CD248: variants seen among roughly 807,000 people sequenced by gnomAD.
CD248 encodes endosialin.
Under a neutral mutation model 8.0 loss-of-function variants are expected in CD248, and 7 were observed. The observed-to-expected ratio is 0.88, with a 90% CI of 0.50 to 1.64. CD248 has a LOEUF of 1.64. CD248 is among the 40% of genes most tolerant of loss of function. The pLI, the probability that CD248 is intolerant of heterozygous loss-of-function variation, is 0.00. For missense variants in CD248, 912 were observed against 1,027.2 expected, an observed-to-expected ratio of 0.89 and a Z score of 1.53; for synonymous variants, 418 against 437.1, an observed-to-expected ratio of 0.96 and a Z score of 0.54.
In CD248 at chr11:66,316,914, G is replaced by A. The variant is rs761497628; in HGVS notation, c.114C>T (p.Phe38=). 8 of 1,559,962 alleles carry A rather than the reference G, an allele frequency of 5.1e-6. No individual in the cohort carries two copies. The highest frequency in any genetic ancestry group is 1.2e-5 in the South Asian group (1 of 86,516). Reference sequence around the variant, plus strand: ...CCTCCAGGAAGGTGCGGCGCCGTGGGAAGAGAGCGTAGCAGCTGCTGGGGC... The same window carrying A: ...CCTCCAGGAAGGTGCGGCGCCGTGGAAAGAGAGCGTAGCAGCTGCTGGGGC... The part of the protein sequence containing the change: ...ACGPSSCYAL[F]PRRRTFLEAW... The change falls in exon 1 of 1, where the codon TTC becomes TTT. Residue 38 remains phenylalanine, a synonymous_variant. Transcript: ENST00000311330.
chr11:66,316,267 A>G lies in CD248; in HGVS notation c.761T>C (p.Val254Ala), dbSNP rs774286084. The G allele has an allele frequency of 6.2e-7, 1 of 1,613,536 alleles. No individual in the cohort carries two copies. Among genetic ancestry groups the G allele is most frequent in the South Asian group, 1.1e-5 (1 of 91,080 alleles). The change falls in exon 1 of 1, where the codon GTG (valine) becomes GCG (alanine). Residue 254 changes from valine to alanine, a missense_variant. By Grantham distance (64) the Val-to-Ala change is moderately conservative. This residue lies in a region of CD248 where 403 missense variants were observed against 446.2 expected (regional missense o/e 0.90). Transcript: ENST00000311330. The part of the protein sequence containing the change: ...HECVEEVDGH[V>A]SCRCTEGFRL... ...GAAGCCCTCAGTGCAGCGGCAGGAC[A>G]CGTGACCATCCACCTCCTCCACACA... is the stretch of plus-strand genomic sequence containing the variant.
chr11:66,316,160 G>C lies in CD248; in HGVS notation c.868C>G (p.Gln290Glu). ...CEQQCEPGGP[Q>E]GYSCHCRLGF... ...AGGCGACAGTGGCAGCTGTAGCCTT[G>C]TGGCCCACCGGGCTCACACTGCTGC... Residue 290 changes from glutamine to glutamate, a missense_variant, in exon 1 of 1, where the codon CAA (glutamine) becomes GAA (glutamate). By Grantham distance (29) the Gln-to-Glu change is conservative. Coordinates refer to ENST00000311330, the MANE Select transcript of CD248 (RefSeq NM_020404.3). The C allele has an allele frequency of 6.2e-7, 1 of 1,612,350 alleles. No individual in the cohort carries two copies. Among genetic ancestry groups the C allele is most frequent in the Non-Finnish European group, 8.5e-7 (1 of 1,179,990 alleles).
At position 66,315,015 on chromosome 11, in the gene CD248, C is replaced by A; in HGVS notation, c.2013G>T (p.Leu671=). 6.2e-7 allele frequency: 1 copy of A among 1,606,242 alleles called. No individual in the cohort carries two copies. Among genetic ancestry groups the A allele is most frequent in the Non-Finnish European group, 8.5e-7 (1 of 1,175,454 alleles). ...TGTGCTCGGCAAGACCAGCCTCCCC[C>A]AGGGCTGTTGGGGCTGCTGTGGGAG... is the stretch of plus-strand genomic sequence containing the variant. ...SPAPTAAPTA[L]GEAGLAEHSQ... is the part of the protein sequence containing the mutation. Residue 671 remains leucine (L), a synonymous_variant, in exon 1 of 1, where the codon CTG becomes CTT. Transcript: ENST00000311330. This position sits in a 1 kb window ranked among gnomAD's most constrained non-coding sequence, Gnocchi z 4.3.
rs144493283 is a variant in CD248, at chr11:66,314,853, G to A, written c.2175C>T (p.Cys725=). The A allele has an allele frequency of 6.3e-7, 1 of 1,599,450 alleles. No individual in the cohort carries two copies. ...PHAPNKRITD[C]YRWVIHAGSK... ...TCCCAGCATGGATGACCCAGCGATA[G>A]CAGTCAGTGATGCGCTTGTTGGGTG... is the stretch of plus-strand genomic sequence containing the variant. The change falls in exon 1 of 1, where the codon TGC becomes TGT. Residue 725 remains cysteine, a synonymous_variant. Coordinates refer to ENST00000311330, the MANE Select transcript of CD248 (RefSeq NM_020404.3). This position sits in a 1 kb window ranked among gnomAD's most constrained non-coding sequence, Gnocchi z 4.0.
In CD248 at chr11:66,316,710, G is replaced by A. The variant is rs766137384; in HGVS notation, c.318C>T (p.Thr106=). 4 of 1,606,474 alleles carry A rather than the reference G, an allele frequency of 2.5e-6. No individual in the cohort carries two copies. Among genetic ancestry groups the A allele is most frequent in the South Asian group, 1.1e-5 (1 of 91,012 alleles). The change falls in exon 1 of 1, where the codon ACC becomes ACT. Residue 106 remains threonine (T), a synonymous_variant. Transcript: ENST00000311330. ...TGAAAGCCGTGTCCTGGTCCCCTGT[G>A]GTCCACGTGAAGCCGCGCAGTGGGC... ...LQRPLRGFTW[T]TGDQDTAFTN...
At position 66,316,219 on chromosome 11, in the gene CD248, C is replaced by G. The variant is rs767021528; in HGVS notation, c.809G>C (p.Ser270Thr). 1 of 1,613,210 alleles carries G rather than the reference C, an allele frequency of 6.2e-7. No homozygotes were observed. The highest frequency in any genetic ancestry group is 8.5e-7 in the Non-Finnish European group (1 of 1,179,944). Reference sequence around the variant, plus strand: ...AGCCTGGGCACAGGGGTCCTCGCAACTGCGCCCGTCTGCTGCCAGCCGGAA... The same window carrying G: ...AGCCTGGGCACAGGGGTCCTCGCAAGTGCGCCCGTCTGCTGCCAGCCGGAA... ...EGFRLAADGRSCEDPCAQAPC... is the reference protein window; with the variant it reads ...EGFRLAADGRTCEDPCAQAPC... Residue 270 changes from serine (S) to threonine (T), a missense_variant, in exon 1 of 1, where the codon AGT (serine) becomes ACT (threonine). Ser to Thr is a moderately conservative substitution (Grantham distance 58, BLOSUM62 1). Around this residue, in one of 3 missense-constraint regions of CD248, gnomAD observed 403 missense variants for 446.2 expected, o/e 0.90. Coordinates refer to ENST00000311330, the MANE Select transcript of CD248 (RefSeq NM_020404.3).
rs1218391302 is a variant in CD248 at position 66,314,761 on chromosome 11, C to G, written c.2267G>C (p.Ser756Thr). The G allele has an allele frequency of 1.9e-6, 3 of 1,549,634 alleles. No homozygotes were observed. Among genetic ancestry groups the G allele is most frequent in the Non-Finnish European group, 2.6e-6 (3 of 1,146,908 alleles). Reference protein sequence around the residue: ...SLTGVQTCRTSV With the variant: ...SLTGVQTCRTTV Reference sequence around the variant, plus strand: ...AGGGGGGTCTGCACCCCATCACACGCTGGTTCTGCAGGTCTGCACCCCTGT... The same window carrying G: ...AGGGGGGTCTGCACCCCATCACACGGTGGTTCTGCAGGTCTGCACCCCTGT... Residue 756 changes from serine (S) to threonine (T), a missense_variant, in exon 1 of 1, where the codon AGC (serine) becomes ACC (threonine). Physicochemically the swap from Ser to Thr is moderately conservative, Grantham distance 58. Around this residue, in one of 3 missense-constraint regions of CD248, gnomAD observed 507 missense variants for 562.2 expected, o/e 0.90. Coordinates refer to ENST00000311330, the MANE Select transcript of CD248 (RefSeq NM_020404.3). This position sits in a 1 kb window ranked among gnomAD's most constrained non-coding sequence, Gnocchi z 4.0.
Position 66,316,542 on chromosome 11 carries a change from G to T in CD248, c.486C>A (p.Gly162=), listed in dbSNP as rs755764575. The T allele has an allele frequency of 6.9e-6, 11 of 1,599,258 alleles. No homozygotes were observed. The East Asian group carries it at 2.5e-4, about 36-fold the overall frequency. ...DGYLCQFGFE[G]ACPALQDEAG... ...CCTCATCTTGCAGCGCCGGGCAGGCGCCCTCGAAGCCAAACTGGCACAGGT... is the reference window on the plus strand; with the variant it reads ...CCTCATCTTGCAGCGCCGGGCAGGCTCCCTCGAAGCCAAACTGGCACAGGT... The change falls in exon 1 of 1, where the codon GGC becomes GGA. Residue 162 remains glycine (G), a synonymous_variant. Transcript: ENST00000311330.
Position 66,315,221 on chromosome 11 carries a change from C to A in CD248, c.1807G>T (p.Ala603Ser), listed in dbSNP as rs2134916067. The A allele has an allele frequency of 6.5e-7, 1 of 1,528,786 alleles. No individual in the cohort carries two copies. Among genetic ancestry groups the A allele is most frequent in the East Asian group, 2.3e-5 (1 of 44,256 alleles). The allele number at this position is 1,528,786 out of a possible 1,614,324, so 94.7% of individuals were successfully genotyped here. A position where few individuals can be genotyped will look rare whatever the true frequency, so the allele number is the denominator to read the frequency against. Residue 603 changes from alanine to serine, a missense_variant, in exon 1 of 1, where the codon GCC becomes TCC. Physicochemically the swap from Ala to Ser is moderately conservative, Grantham distance 99 (BLOSUM62 1). Coordinates refer to ENST00000311330, the MANE Select transcript of CD248 (RefSeq NM_020404.3). The surrounding 1 kb of genome is among the most constrained non-coding windows in gnomAD (Gnocchi z 4.3). The part of the protein sequence containing the change: ...TTTSRSPVSP[A>S]HQISVPAATQ... Reference sequence around the variant, plus strand: ...GCAGCAGGCACAGAGATTTGATGGGCAGGAGACACAGGGGACCTGGAGGTG... The same window carrying A: ...GCAGCAGGCACAGAGATTTGATGGGAAGGAGACACAGGGGACCTGGAGGTG...
In CD248 at chr11:66,316,693, G is replaced by C. The variant is rs1016367945; in HGVS notation, c.335C>G (p.Thr112Arg). The C allele has an allele frequency of 6.2e-7, 1 of 1,606,970 alleles. No homozygotes were observed. Among genetic ancestry groups the C allele is most frequent in the Non-Finnish European group, 8.5e-7 (1 of 1,179,546 alleles). Reference sequence around the variant, plus strand: ...TGGCTGGGCCCAGTTGGTGAAAGCCGTGTCCTGGTCCCCTGTGGTCCACGT... The same window carrying C: ...TGGCTGGGCCCAGTTGGTGAAAGCCCTGTCCTGGTCCCCTGTGGTCCACGT... ...GFTWTTGDQD[T>R]AFTNWAQPAS... The change falls in exon 1 of 1, where the codon ACG becomes AGG. Residue 112 changes from threonine (T) to arginine (R), a missense_variant. This residue lies in a region of CD248 where 403 missense variants were observed against 446.2 expected (regional missense o/e 0.90). Coordinates refer to ENST00000311330, the MANE Select transcript of CD248 (RefSeq NM_020404.3).
chr11:66,316,733 G>A lies in CD248; in HGVS notation c.295C>T (p.Pro99Ser), dbSNP rs1236884440. 2.5e-6 allele frequency: 4 copies of A among 1,603,942 alleles called. No individual in the cohort carries two copies. Among genetic ancestry groups the A allele is most frequent in the East Asian group, 2.2e-5 (1 of 44,848 alleles). ...GTGGTCCACGTGAAGCCGCGCAGTG[G>A]GCGCTGCAGCTGGCATTGCCGGGCC... ...RQARQCQLQRPLRGFTWTTGD... is the reference protein window; with the variant it reads ...RQARQCQLQRSLRGFTWTTGD... Residue 99 changes from proline (P) to serine (S), a missense_variant, in exon 1 of 1, where the codon CCA becomes TCA. By Grantham distance (74) the Pro-to-Ser change is moderately conservative (BLOSUM62 -1). Coordinates refer to ENST00000311330, the MANE Select transcript of CD248 (RefSeq NM_020404.3).
At position 66,314,867 on chromosome 11, in the gene CD248, G is replaced by T; in HGVS notation, c.2161C>A (p.Arg721Ser). The change falls in exon 1 of 1, where the codon CGC (arginine) becomes AGC (serine). Residue 721 changes from arginine (R) to serine (S), a missense_variant. This residue lies in a region of CD248 where 507 missense variants were observed against 562.2 expected (regional missense o/e 0.90). Coordinates refer to ENST00000311330, the MANE Select transcript of CD248 (RefSeq NM_020404.3). This position sits in a 1 kb window ranked among gnomAD's most constrained non-coding sequence, Gnocchi z 4.0. ...TRCGPHAPNK[R>S]ITDCYRWVIH... ...ACCCAGCGATAGCAGTCAGTGATGCGCTTGTTGGGTGCATGGGGGCCACAG... is the reference window on the plus strand; with the variant it reads ...ACCCAGCGATAGCAGTCAGTGATGCTCTTGTTGGGTGCATGGGGGCCACAG... 1.9e-6 allele frequency: 3 copies of T among 1,606,360 alleles called. No individual in the cohort carries two copies. Among genetic ancestry groups the T allele is most frequent in the Non-Finnish European group, 2.5e-6 (3 of 1,176,940 alleles).
At position 66,316,556 on chromosome 11, in the gene CD248, A is replaced by G; in HGVS notation, c.472T>C (p.Phe158Leu). 1 of 1,600,342 alleles carries G rather than the reference A, an allele frequency of 6.2e-7. No individual in the cohort carries two copies. The highest frequency in any genetic ancestry group is 8.5e-7 in the Non-Finnish European group (1 of 1,179,396). The part of the protein sequence containing the change: ...TLAVDGYLCQ[F>L]GFEGACPALQ... ...GCCGGGCAGGCGCCCTCGAAGCCAA[A>G]CTGGCACAGGTAGCCGTCGACAGCC... The change falls in exon 1 of 1, where the codon TTT becomes CTT. Residue 158 changes from phenylalanine (F) to leucine (L), a missense_variant. Physicochemically the swap from Phe to Leu is conservative, Grantham distance 22. Coordinates refer to ENST00000311330, the MANE Select transcript of CD248 (RefSeq NM_020404.3).
chr11:66,314,594 C>T lies in CD248; in HGVS notation c.*160G>A. 1 of 628,014 alleles carries T rather than the reference C, an allele frequency of 1.6e-6. No homozygotes were observed. Among genetic ancestry groups the T allele is most frequent in the Admixed American group, 2.9e-5 (1 of 33,914 alleles). The allele number at this position is 628,014 out of a possible 1,614,324, so 38.9% of individuals were successfully genotyped here. A position where few individuals can be genotyped will look rare whatever the true frequency, so the allele number is the denominator to read the frequency against. ...TGGTCACGAGCGCTGGGCCAGGAAG[C>T]AGAGTTCCTGAGAGCCAAGTCTAGT... On this transcript the variant is annotated 3_prime_UTR_variant, in exon 1 of 1. Coordinates refer to ENST00000311330, the MANE Select transcript of CD248 (RefSeq NM_020404.3). This position sits in a 1 kb window ranked among gnomAD's most constrained non-coding sequence, Gnocchi z 4.0.
Position 66,316,172 on chromosome 11 carries a change from G to T in CD248, c.856C>A (p.Pro286Thr). 6.2e-7 allele frequency: 1 copy of T among 1,612,348 alleles called. No homozygotes were observed. Among genetic ancestry groups the T allele is most frequent in the Non-Finnish European group, 8.5e-7 (1 of 1,179,966 alleles). Residue 286 changes from proline to threonine, a missense_variant, in exon 1 of 1, where the codon CCC (proline) becomes ACC (threonine). This residue lies in a region of CD248 where 403 missense variants were observed against 446.2 expected (regional missense o/e 0.90). Transcript: ENST00000311330. ...AQAPCEQQCE[P>T]GGPQGYSCHC... ...CAGCTGTAGCCTTGTGGCCCACCGG[G>T]CTCACACTGCTGCTCGCACGGAGCC...
rs1458620928 is a variant in CD248, at chr11:66,314,872, T to A, written c.2156A>T (p.Asn719Ile). ...YCTRCGPHAP[N>I]KRITDCYRWV... ...GCGATAGCAGTCAGTGATGCGCTTG[T>A]TGGGTGCATGGGGGCCACAGCGGGT... Residue 719 changes from asparagine (N) to isoleucine (I), a missense_variant, in exon 1 of 1, where the codon AAC (asparagine) becomes ATC (isoleucine). By Grantham distance (149) the Asn-to-Ile change is moderately radical (BLOSUM62 -3). Transcript: ENST00000311330. The surrounding 1 kb of genome is among the most constrained non-coding windows in gnomAD (Gnocchi z 4.0). 1 of 1,608,540 alleles carries A rather than the reference T, an allele frequency of 6.2e-7. No homozygotes were observed. Among genetic ancestry groups the A allele is most frequent in the Non-Finnish European group, 8.5e-7 (1 of 1,178,024 alleles).
rs1297193229 is a variant in CD248 at position 66,315,901 on chromosome 11, T to G, written c.1127A>C (p.Glu376Ala). The stretch of plus-strand genomic sequence containing the variant: ...GGCCTTCCAGGCCTCGTCTTCATCT[T>G]CCTCATCCTCCCCGTCATCCAGCAA... Reference protein sequence around the residue: ...DELLDDGEDEEDEDEAWKAFN... With the variant: ...DELLDDGEDEADEDEAWKAFN... The change falls in exon 1 of 1, where the codon GAA (glutamate) becomes GCA (alanine). Residue 376 changes from glutamate (E) to alanine (A), a missense_variant. Around this residue, in one of 3 missense-constraint regions of CD248, gnomAD observed 507 missense variants for 562.2 expected, o/e 0.90. Coordinates refer to ENST00000311330, the MANE Select transcript of CD248 (RefSeq NM_020404.3). This position sits in a 1 kb window ranked among gnomAD's most constrained non-coding sequence, Gnocchi z 4.3. 6.2e-7 allele frequency: 1 copy of G among 1,613,674 alleles called. No homozygotes were observed. The highest frequency in any genetic ancestry group is 8.5e-7 in the Non-Finnish European group (1 of 1,179,988).
chr11:66,314,806 A>G lies in CD248; in HGVS notation c.2222T>C (p.Met741Thr). The G allele has an allele frequency of 5.1e-6, 8 of 1,564,452 alleles. No individual in the cohort carries two copies. Among genetic ancestry groups the G allele is most frequent in the Non-Finnish European group, 6.9e-6 (8 of 1,154,464 alleles). The change falls in exon 1 of 1, where the codon ATG becomes ACG. Residue 741 changes from methionine (M) to threonine (T), a missense_variant. Physicochemically the swap from Met to Thr is moderately conservative, Grantham distance 81. Transcript: ENST00000311330. This position sits in a 1 kb window ranked among gnomAD's most constrained non-coding sequence, Gnocchi z 4.0. The stretch of plus-strand genomic sequence containing the variant: ...CCCTGTGAGGCTGCCCCTGGGGGGC[A>G]TGGGTTCTGTTGGGCTCTTGCTCCC... ...HAGSKSPTEP[M>T]PPRGSLTGVQ...
rs138260039 is a variant in CD248 at position 66,316,192 on chromosome 11, G to A, written c.836C>T (p.Pro279Leu). The A allele has an allele frequency of 4.3e-5, 70 of 1,612,438 alleles. No homozygotes were observed. The highest frequency in any genetic ancestry group is 5.4e-5 in the Non-Finnish European group (64 of 1,179,948). ...RSCEDPCAQAPCEQQCEPGGP... is the reference protein window; with the variant it reads ...RSCEDPCAQALCEQQCEPGGP... Reference sequence around the variant, plus strand: ...ACCGGGCTCACACTGCTGCTCGCACGGAGCCTGGGCACAGGGGTCCTCGCA... The same window carrying A: ...ACCGGGCTCACACTGCTGCTCGCACAGAGCCTGGGCACAGGGGTCCTCGCA... Residue 279 changes from proline to leucine, a missense_variant, in exon 1 of 1, where the codon CCG becomes CTG. Physicochemically the swap from Pro to Leu is moderately conservative, Grantham distance 98. This residue lies in a region of CD248 where 403 missense variants were observed against 446.2 expected (regional missense o/e 0.90). Coordinates refer to ENST00000311330, the MANE Select transcript of CD248 (RefSeq NM_020404.3).
Sources: gnomAD v4.1 joint callset for allele counts on GRCh38, gnomAD v4.1.1 for gene constraint, gnomAD v4.1.1 regional missense constraint, Gnocchi (gnomAD v3.1) non-coding constraint, MANE v1.5 for transcripts, NCBI Gene and HGNC (gene_info 2026-07-23, HGNC 2026-07-21) for gene names.